SUGCT: variants seen among roughly 807,000 people sequenced by gnomAD.
SUGCT encodes succinyl-CoA:glutarate-CoA transferase, also known as succinyl-CoA:glutarate CoA-transferase.
SUGCT carries 41 observed loss-of-function variants against 55.0 expected under a neutral mutation model. The observed-to-expected ratio is 0.74, with a 90% CI of 0.58 to 0.97. SUGCT has a LOEUF of 0.97. Ranked by LOEUF, SUGCT falls within the 50% of genes least tolerant of loss-of-function variation. The probability of loss-of-function intolerance (pLI) is 0.00; values close to 1 mark genes in which losing one functional copy is unlikely to be tolerated. For synonymous variants in SUGCT, 187 were observed against 200.4 expected, an observed-to-expected ratio of 0.93 and a Z score of 0.56; for missense variants, 568 against 547.8, an observed-to-expected ratio of 1.04 and a Z score of -0.37.
At chr7:40,611,538 A>G (rs761114942) in intron 12 of SUGCT, among the ~76,000 whole-genome samples, 4 of 152,302 alleles carry the variant, frequency 2.6e-5, no homozygotes, top group Non-Finnish European at 2.9e-5. Flanking sequence ...TGTGATCTCT[A>G]CACCATGTGC....
intron 12 of SUGCT, among the ~76,000 whole-genome samples, chr7:40,622,658 G>A (rs1458388878): frequency 6.7e-6 from 1 of 149,112 alleles, no homozygotes; most frequent in Non-Finnish European, 1.5e-5. Context: ...TTTCAGACCA[G>A]TATTTTCAGT....
At chr7:40,197,689 G>A (rs370815660) in intron 6 of SUGCT, among the ~76,000 whole-genome samples, 2 of 152,318 alleles carry the variant, frequency 1.3e-5, no homozygotes, top group South Asian at 2.1e-4. Flanking sequence ...ATTTGTCAAA[G>A]CAAGTCACAT....
chr7:40,723,850 G>T (rs961453698), intron 12 of SUGCT, among the ~76,000 whole-genome samples: 2 of 152,062 alleles, frequency 1.3e-5, no homozygotes, highest in African/African-American at 4.8e-5. Flanking sequence ...TTCATAATAT[G>T]GGATCTCGTT....
At chr7:40,756,758 A>G (rs1331062832) in intron 13 of SUGCT, among the ~76,000 whole-genome samples, 1 of 152,186 alleles carries the variant, frequency 6.6e-6, no homozygotes. Context: ...GAAAGGTGAG[A>G]TAAGTTATTT....
chr7:40,198,071 T>C (rs1056755045), intron 6 of SUGCT, among the ~76,000 whole-genome samples: 1 of 152,216 alleles, frequency 6.6e-6, no homozygotes, highest in African/African-American at 2.4e-5. Flanking sequence ...ATCATGTGCT[T>C]TTTAGTGATA....
intron 13 of SUGCT, among the ~76,000 whole-genome samples, chr7:40,783,804 A>G (rs1789879060): frequency 6.6e-6 from 1 of 152,158 alleles, no homozygotes; most frequent in Non-Finnish European, 1.5e-5. Context: ...TCACCTCTAA[A>G]CTTTAGACAT....
chr7:40,409,934 C>T (rs371553250), intron 9 of SUGCT, among the ~76,000 whole-genome samples: 1 of 152,076 alleles, frequency 6.6e-6, no homozygotes, highest in East Asian at 1.9e-4. Context: ...CACTAGTGAA[C>T]CCTCATAATA....
chr7:40,822,328 T>C (rs1175179884), intron 13 of SUGCT, among the ~76,000 whole-genome samples: 1 of 152,172 alleles, frequency 6.6e-6, no homozygotes, highest in African/African-American at 2.4e-5. Context: ...TTGTTAACTT[T>C]CTGTCTCGTT....
the SUGCT span, chr7:40,965,585 A>G: frequency 1.3e-5 from 2 of 152,224 alleles, no homozygotes; most frequent in Non-Finnish European, 2.9e-5. Flanking sequence ...AATTCATATT[A>G]ATCGAGTTGT....
rs1372569024 is a variant in SUGCT, at chr7:40,563,612, G to A, written c.1089+67226G>A. On this transcript the variant is annotated intron_variant, in intron 12 of 13. Transcript: ENST00000335693. The stretch of plus-strand genomic sequence containing the variant: ...CCCTATATTCCCAATTACTTGGAAG[G>A]CCGAGGTGGGAGGATCACTTGAGCC... 2.6e-5 allele frequency among the ~76,000 whole-genome samples: 4 copies of A among 151,888 alleles called. No individual in the cohort carries two copies. The East Asian group carries it at 7.7e-4, about 29-fold the overall frequency.
intron 1 of SUGCT, among the ~76,000 whole-genome samples, chr7:40,166,921 C>T (rs1232230529): frequency 6.6e-6 from 1 of 151,146 alleles, no homozygotes; most frequent in Non-Finnish European, 1.5e-5. Context: ...TCCTATCTTT[C>T]AAAGATATGG....
intron 13 of SUGCT, among the ~76,000 whole-genome samples, chr7:40,815,027 G>C (rs913957178): frequency 2.0e-5 from 3 of 152,182 alleles, no homozygotes; most frequent in Admixed American, 1.3e-4. Context: ...CTACAAGCTT[G>C]TAGATGGCGC....
chr7:40,567,567 C>T (rs1480151170), intron 12 of SUGCT, among the ~76,000 whole-genome samples: 1 of 152,178 alleles, frequency 6.6e-6, no homozygotes, highest in Non-Finnish European at 1.5e-5. Context: ...ATGTGGACCT[C>T]ATCCTTCCTC....
At chr7:40,676,603 A>G (rs1783997694) in intron 12 of SUGCT, among the ~76,000 whole-genome samples, 1 of 151,338 alleles carries the variant, frequency 6.6e-6, no homozygotes, top group Admixed American at 6.6e-5. Flanking sequence ...CCCGGGTTCA[A>G]GCGATTCTCC....
the SUGCT span, among the ~76,000 whole-genome samples, chr7:40,946,893 C>G: frequency 6.6e-6 from 1 of 152,112 alleles, no homozygotes. Flanking sequence ...TTAGGCTTCT[C>G]TCTTTGGTTT....
chr7:40,177,370 C>T (rs1447402222), intron 1 of SUGCT, among the ~76,000 whole-genome samples: 1 of 151,788 alleles, frequency 6.6e-6, no homozygotes, highest in Non-Finnish European at 1.5e-5. Flanking sequence ...TAAGTTCTCT[C>T]CCACTGCGCC....
chr7:40,508,513 G>C (rs1378170166), intron 12 of SUGCT, among the ~76,000 whole-genome samples: 1 of 152,148 alleles, frequency 6.6e-6, no homozygotes, highest in African/African-American at 2.4e-5. Context: ...GCACCTGCCT[G>C]GAGTAGACTG....
At position 40,249,321 on chromosome 7, in the gene SUGCT, A is replaced by ATCTATCTATCTATCTATCTATCTATC. The variant is rs1326008353; in HGVS notation, c.576+11596_576+11597insCTATCTATCTATCTATCTATCTATCT. Among the ~76,000 whole-genome samples the ATCTATCTATCTATCTATCTATCTATC allele has an allele frequency of 7.4e-4, 81 of 109,430 alleles. 5 individuals carry two copies. Among genetic ancestry groups the ATCTATCTATCTATCTATCTATCTATC allele is most frequent in the African/African-American group, 3.1e-3 (77 of 25,138 alleles). 71.8% of individuals were successfully genotyped at this position (109,430 alleles called of 152,430 possible). A position where few individuals can be genotyped will look rare whatever the true frequency, so the allele number is the denominator to read the frequency against. ...CAAAAAACACCAAAAAGCTATATAT[A>ATCTATCTATCTATCTATCTATCTATC]TATATATATATATATATATATATAT... On this transcript the variant is annotated intron_variant, in intron 7 of 13. Coordinates refer to ENST00000335693, the MANE Select transcript of SUGCT (RefSeq NM_001193313.2).
intron 12 of SUGCT, among the ~76,000 whole-genome samples, chr7:40,568,160 C>T (rs1205205587): frequency 2.0e-5 from 3 of 152,294 alleles, no homozygotes; most frequent in Admixed American, 2.0e-4. Context: ...GATCATGTCT[C>T]TCTGGACATA....
Sources: gnomAD v4.1 joint callset for allele counts (sites outside exome capture counted in the v4.1 genomes callset) on GRCh38, gnomAD v4.1.1 for gene constraint, MANE v1.5 for transcripts, NCBI Gene and HGNC (gene_info 2026-07-23, HGNC 2026-07-21) for gene names.